The following LPAR3 variants were observed in gnomAD, a reference collection of about 807,000 sequenced individuals.
LPAR3 encodes the protein lysophosphatidic acid receptor 3.
Under a neutral mutation model 17.8 loss-of-function variants are expected in LPAR3, and 7 were observed. The ratio of observed to expected loss-of-function variants is 0.39; its 90% CI spans 0.22 to 0.74. LPAR3 has a LOEUF of 0.74. Ranked by LOEUF, LPAR3 falls within the 30% of genes least tolerant of loss-of-function variation. The pLI is 0.40. For synonymous variants in LPAR3, 179 were observed against 179.9 expected (o/e 0.99, Z 0.04); for missense variants, 391 against 453.4 (o/e 0.86, Z 1.25).
intron 2 of LPAR3, among the ~76,000 whole-genome samples, chr1:84,859,871 T>C (rs1268264355): frequency 6.6e-6 from 1 of 152,226 alleles, no homozygotes; most frequent in Non-Finnish European, 1.5e-5. Flanking sequence ...GTGTGCACAG[T>C]TCACATGGTG....
chr1:84,872,200 T>C (rs1660168212), intron 1 of LPAR3, among the ~76,000 whole-genome samples: 1 of 152,174 alleles, frequency 6.6e-6, no homozygotes, highest in Non-Finnish European at 1.5e-5. Context: ...TTAAATGAAG[T>C]AATGCTTGTG....
At position 84,893,155 on chromosome 1, in the gene LPAR3, G is replaced by A. The variant is rs190901717; in HGVS notation, c.-158C>T. 455 of 152,220 alleles carry A rather than the reference G, an allele frequency of 3.0e-3. 4 individuals carry two copies. In the Middle Eastern group the frequency reaches 0.034, roughly 11 times the overall value. The allele number at this position is 152,220 out of a possible 1,614,324, so 9.4% of individuals were successfully genotyped here. A position where few individuals can be genotyped will look rare whatever the true frequency, so the allele number is the denominator to read the frequency against. On this transcript the variant is annotated 5_prime_UTR_variant, in exon 1 of 3. Transcript: ENST00000370611. ...AGAAGCAGCGGAGGACGCGGCGGGC[G>A]GGCGGAGCGCCTCCTCTCCAGCGAC...
chr1:84,879,157 G>A (rs781547932), intron 1 of LPAR3, among the ~76,000 whole-genome samples: 21 of 152,280 alleles, frequency 1.4e-4, no homozygotes, highest in Admixed American at 4.6e-4. Context: ...TGGGTGGTAT[G>A]ACACTAAACT....
intron 1 of LPAR3, among the ~76,000 whole-genome samples, chr1:84,875,410 T>G (rs554058563): frequency 6.6e-6 from 1 of 152,330 alleles, no homozygotes; most frequent in East Asian, 1.9e-4. Context: ...GTAGGACTTT[T>G]AAGAGGTGGA....
At chr1:84,874,266 A>G (rs550665416) in intron 1 of LPAR3, among the ~76,000 whole-genome samples, 1 of 152,228 alleles carries the variant, frequency 6.6e-6, no homozygotes, top group African/African-American at 2.4e-5. Flanking sequence ...AGATGGTGAC[A>G]CGCAGGGAAA....
At chr1:84,852,186 G>A (rs901798758) in intron 2 of LPAR3, among the ~76,000 whole-genome samples, 1 of 151,882 alleles carries the variant, frequency 6.6e-6, no homozygotes, top group Non-Finnish European at 1.5e-5. Context: ...GGGCCCAAGC[G>A]ATTTTCCTGC....
chr1:84,892,178 A>C (rs557395363), intron 1 of LPAR3, among the ~76,000 whole-genome samples: 1 of 152,000 alleles, frequency 6.6e-6, no homozygotes, highest in South Asian at 2.1e-4. Flanking sequence ...GCGCCACTGC[A>C]CTCCAGCCCG....
Position 84,812,753 on chromosome 1 carries a change from T to C in LPAR3, c.*1093A>G, listed in dbSNP as rs1210338113. 2 of 152,202 alleles carry C rather than the reference T, an allele frequency of 1.3e-5. No individual in the cohort carries two copies. The highest frequency in any genetic ancestry group is 4.8e-5 in the African/African-American group (2 of 41,412). 9.4% of individuals were successfully genotyped at this position (152,202 alleles called of 1,614,324 possible). A position where few individuals can be genotyped will look rare whatever the true frequency, so the allele number is the denominator to read the frequency against. On this transcript the variant is annotated 3_prime_UTR_variant, in exon 3 of 3. Coordinates refer to ENST00000370611, the MANE Select transcript of LPAR3 (RefSeq NM_012152.3). ...TGACCTCTCTCCTTGATTCTTAACA[T>C]TGTTCTTTGGTCCTCTTATTCCTCT... is the stretch of plus-strand genomic sequence containing the variant.
intron 2 of LPAR3, among the ~76,000 whole-genome samples, chr1:84,830,876 G>A (rs1024780464): frequency 9.9e-5 from 15 of 152,098 alleles, no homozygotes; most frequent in African/African-American, 3.6e-4. Context: ...CGAGGCTACA[G>A]CACCACAGGA....
chr1:84,872,000 C>T (rs80016986), intron 1 of LPAR3, among the ~76,000 whole-genome samples: 6,145 of 152,260 alleles, frequency 0.04, 192 homozygotes, highest in African/African-American at 0.083. Context: ...ACTTGGGCTA[C>T]GGTCTATCTC....
At chr1:84,880,325 C>T (rs984130428) in intron 1 of LPAR3, among the ~76,000 whole-genome samples, 1 of 152,194 alleles carries the variant, frequency 6.6e-6, no homozygotes, top group African/African-American at 2.4e-5. Context: ...GAGATGAGCT[C>T]AGGCAAGACT....
At chr1:84,835,512 G>T (rs1042896263) in intron 2 of LPAR3, among the ~76,000 whole-genome samples, 2 of 152,108 alleles carry the variant, frequency 1.3e-5, no homozygotes, top group African/African-American at 4.8e-5. Context: ...AGCATATCTA[G>T]TCTCTTAAAA....
intron 2 of LPAR3, among the ~76,000 whole-genome samples, chr1:84,863,087 G>C (rs1018191584): frequency 6.9e-6 from 1 of 144,592 alleles, no homozygotes; most frequent in Admixed American, 6.9e-5. Flanking sequence ...TTTTGTTTTT[G>C]TTTCTTAAGA....
rs1223188644 is a variant in LPAR3 at position 84,893,085 on chromosome 1, C to A, written c.-88G>T. 1 of 151,998 alleles carries A rather than the reference C, an allele frequency of 6.6e-6. No homozygotes were observed. The highest frequency in any genetic ancestry group is 1.5e-5 in the Non-Finnish European group (1 of 67,992). 9.4% of individuals were successfully genotyped at this position (151,998 alleles called of 1,614,324 possible). A position where few individuals can be genotyped will look rare whatever the true frequency, so the allele number is the denominator to read the frequency against. On this transcript the variant is annotated 5_prime_UTR_variant, in exon 1 of 3. Transcript: ENST00000370611. The stretch of plus-strand genomic sequence containing the variant: ...TGCGGCTGCCGCATGCCCTCGGGGT[C>A]GAGCGCGACGGGGCGACCGGGCGCC...
chr1:84,821,293 A>T (rs942493809), intron 2 of LPAR3, among the ~76,000 whole-genome samples: 3 of 151,860 alleles, frequency 2.0e-5, no homozygotes, highest in Non-Finnish European at 4.4e-5. Context: ...TCATCTTCAT[A>T]CTCCAAACAC....
chr1:84,876,302 T>C (rs557073156), intron 1 of LPAR3, among the ~76,000 whole-genome samples: 7 of 152,164 alleles, frequency 4.6e-5, no homozygotes, highest in Non-Finnish European at 7.4e-5. Flanking sequence ...TCTCATCACA[T>C]GCATCTTCCA....
chr1:84,822,652 C>A (rs1469844963), intron 2 of LPAR3, among the ~76,000 whole-genome samples: 2 of 152,160 alleles, frequency 1.3e-5, no homozygotes, highest in East Asian at 1.9e-4. Flanking sequence ...GAAGGGAGAA[C>A]ACCCTCCCAT....
At chr1:84,878,975 T>G (rs11161473) in intron 1 of LPAR3, among the ~76,000 whole-genome samples, 56,147 of 152,016 alleles carry the variant, frequency 0.37, 11,050 homozygotes, top group South Asian at 0.46. Flanking sequence ...CATAGCTTTG[T>G]GAATTCAAAC....
At chr1:84,864,290 C>T (rs1033656555) in intron 2 of LPAR3, among the ~76,000 whole-genome samples, 2 of 152,072 alleles carry the variant, frequency 1.3e-5, no homozygotes, top group Non-Finnish European at 2.9e-5. Flanking sequence ...TGATCTCTCC[C>T]GAGTACTGAA....
Sources: allele counts gnomAD v4.1 joint callset (sites outside exome capture counted in the v4.1 genomes callset), GRCh38; gene constraint gnomAD v4.1.1; transcripts MANE v1.5; gene names NCBI Gene and HGNC (gene_info 2026-07-23, HGNC 2026-07-21).